The following OLA1 variants were observed in gnomAD, a reference collection of about 807,000 sequenced individuals.
OLA1 encodes Obg like ATPase 1.
Under a neutral mutation model 48.4 loss-of-function variants are expected in OLA1, and 14 were observed. The observed-to-expected ratio is 0.29, with a 90% CI of 0.19 to 0.45. The LOEUF (loss-of-function observed/expected upper bound fraction) is 0.45, where lower values mean the gene tolerates loss of function less well. Ranked by LOEUF, OLA1 falls within the 20% of genes least tolerant of loss-of-function variation. The probability of loss-of-function intolerance (pLI) is 1.00; values close to 1 mark genes in which losing one functional copy is unlikely to be tolerated. For missense variants in OLA1, 325 were observed against 467.1 expected, an observed-to-expected ratio of 0.70 and a Z score of 2.80; for synonymous variants, 127 against 150.4, an observed-to-expected ratio of 0.84 and a Z score of 1.14.
intron 5 of OLA1, among the ~76,000 whole-genome samples, chr2:174,126,286 C>T (rs542072617): frequency 1.3e-5 from 2 of 151,710 alleles, no homozygotes; most frequent in South Asian, 2.1e-4. Flanking sequence ...ATATAAATAA[C>T]GATGATTAGA....
At chr2:174,193,090 T>C (rs1315164997) in intron 4 of OLA1, among the ~76,000 whole-genome samples, 1 of 110,792 alleles carries the variant, frequency 9.0e-6, no homozygotes, top group Admixed American at 9.4e-5. Flanking sequence ...TTTCTTTCTT[T>C]CTTTTTTTTT....
intron 3 of OLA1, among the ~76,000 whole-genome samples, chr2:174,226,198 CAAAAA>C (rs532536178): frequency 2.4e-5 from 2 of 83,584 alleles, no homozygotes; most frequent in Non-Finnish European, 5.2e-5. Context: ...GACTCCGTCT[CAAAAA>C]AAAAAAAAAA....
chr2:174,096,780 G>A (rs770639168), intron 7 of OLA1, among the ~76,000 whole-genome samples: 17 of 152,214 alleles, frequency 1.1e-4, no homozygotes, highest in Non-Finnish European at 2.1e-4. Context: ...TCTGCTGTCA[G>A]TGAGTGGGTC....
At chr2:174,128,002 A>G (rs2040048458) in intron 5 of OLA1, among the ~76,000 whole-genome samples, 2 of 151,848 alleles carry the variant, frequency 1.3e-5, no homozygotes, top group Admixed American at 1.3e-4. Flanking sequence ...TAGGGAGAAA[A>G]ATATAGGACT....
chr2:174,232,650 A>G (rs1559018004), intron 2 of OLA1, among the ~76,000 whole-genome samples: 1 of 152,162 alleles, frequency 6.6e-6, no homozygotes, highest in Non-Finnish European at 1.5e-5. Flanking sequence ...GCAAATCAAA[A>G]CCACAATGAG....
intron 4 of OLA1, among the ~76,000 whole-genome samples, chr2:174,199,450 G>A (rs775846129): frequency 3.3e-5 from 5 of 152,102 alleles, no homozygotes; most frequent in Non-Finnish European, 7.4e-5. Flanking sequence ...AAGATAGTGG[G>A]GGGTTGGGAG....
intron 7 of OLA1, among the ~76,000 whole-genome samples, chr2:174,104,294 T>A (rs16862365): frequency 1.3e-5 from 2 of 152,074 alleles, no homozygotes; most frequent in African/African-American, 4.8e-5. Flanking sequence ...CCACACAATG[T>A]AAGTTTTCAG....
rs1688364697 is a variant in OLA1 at position 174,216,537 on chromosome 2, A to G, written c.373+6496T>C. ...CAGTATCAATAAAATACAGTATAGT[A>G]CTGTAAATGCATATTCTCTTACTTT... On this transcript the variant is annotated intron_variant, in intron 4 of 10. Coordinates refer to ENST00000284719, the MANE Select transcript of OLA1 (RefSeq NM_013341.5). Among the ~76,000 whole-genome samples, 8 of 152,192 alleles carry G rather than the reference A, an allele frequency of 5.3e-5. No individual in the cohort carries two copies. The South Asian group carries it at 1.7e-3, about 32-fold the overall frequency.
intron 4 of OLA1, among the ~76,000 whole-genome samples, chr2:174,175,512 T>C (rs66826124): frequency 0.12 from 17,656 of 151,774 alleles, 2,331 homozygotes; most frequent in East Asian, 0.72. Flanking sequence ...GGCTGGAAAA[T>C]AGAAATGAAA....
At chr2:174,081,092 A>G in intron 9 of OLA1, 60 bp downstream of exon 9, 1 of 1,381,756 alleles carries the variant, frequency 7.2e-7, no homozygotes, top group Non-Finnish European at 1.0e-6. Context: ...AGTCAGTGAT[A>G]TCAATCTGAA....
intron 2 of OLA1, chr2:174,240,082 A>AT (rs34528508): frequency 6.6e-6 from 1 of 152,154 alleles, no homozygotes; most frequent in Non-Finnish European, 1.5e-5. Context: ...TTTTAAAACT[A>AT]TTTTTGCAAC....
chr2:174,166,133 A>C (rs1687158567), intron 4 of OLA1, among the ~76,000 whole-genome samples: 1 of 152,006 alleles, frequency 6.6e-6, no homozygotes, highest in Non-Finnish European at 1.5e-5. Context: ...AAAAAAAAAA[A>C]AAAAACCTCA....
In OLA1 at chr2:174,229,650, T is replaced by C. The variant is rs776521980; in HGVS notation, c.102-199A>G. On this transcript the variant is annotated intron_variant, in intron 2 of 10. Coordinates refer to ENST00000284719, the MANE Select transcript of OLA1 (RefSeq NM_013341.5). ...CAGTAAAGCGGCAGCTCATGACTTA[T>C]AATTAGGTTATTTCCCCATCACAGT... Among the ~76,000 whole-genome samples, 10 of 152,386 alleles carry C rather than the reference T, an allele frequency of 6.6e-5. No homozygotes were observed. The Middle Eastern group carries it at 0.014, about 207-fold the overall frequency.
chr2:174,225,805 T>C lies in OLA1; in HGVS notation c.246-2645A>G, dbSNP rs1688603423. ...GTTGACATAACTATAAGTGTGACCATGAACAAATTATTTCATCTTTCTAGG... is the reference window on the plus strand; with the variant it reads ...GTTGACATAACTATAAGTGTGACCACGAACAAATTATTTCATCTTTCTAGG... On this transcript the variant is annotated intron_variant, in intron 3 of 10. Transcript: ENST00000284719. Among the ~76,000 whole-genome samples the C allele has an allele frequency of 1.3e-5, 2 of 152,172 alleles. 1 individual carries two copies. The highest frequency in any genetic ancestry group is 4.8e-5 in the African/African-American group (2 of 41,444).
At chr2:174,177,534 T>G (rs1318809173) in intron 4 of OLA1, among the ~76,000 whole-genome samples, 2 of 152,142 alleles carry the variant, frequency 1.3e-5, no homozygotes, top group African/African-American at 4.8e-5. Flanking sequence ...AAGGAAAATA[T>G]GAATTCTGAA....
At chr2:174,218,098 C>T (rs1361305265) in intron 4 of OLA1, among the ~76,000 whole-genome samples, 1 of 152,120 alleles carries the variant, frequency 6.6e-6, no homozygotes, top group Admixed American at 6.5e-5. Flanking sequence ...ACAACCTCAA[C>T]TACTGGGCTC....
chr2:174,194,301 C>T (rs967051192), intron 4 of OLA1, among the ~76,000 whole-genome samples: 31 of 152,194 alleles, frequency 2.0e-4, no homozygotes, highest in African/African-American at 6.8e-4. Flanking sequence ...GCAGCCTTCA[C>T]GGACATCACA....
chr2:174,172,932 C>G (rs1687342076), intron 4 of OLA1, among the ~76,000 whole-genome samples: 1 of 152,056 alleles, frequency 6.6e-6, no homozygotes, highest in African/African-American at 2.4e-5. Context: ...GAGAGTGGCA[C>G]TCTCTCTAGC....
intron 3 of OLA1, among the ~76,000 whole-genome samples, chr2:174,226,230 C>T (rs1688615196): frequency 6.6e-6 from 1 of 151,418 alleles, no homozygotes; most frequent in Admixed American, 6.6e-5. Flanking sequence ...AAATGAGCTT[C>T]TCAATTCTGA....
Sources: allele counts gnomAD v4.1 joint callset (sites outside exome capture counted in the v4.1 genomes callset), GRCh38; gene constraint gnomAD v4.1.1; transcripts MANE v1.5; gene names NCBI Gene and HGNC (gene_info 2026-07-23, HGNC 2026-07-21).